TASP1: variants seen among roughly 807,000 people sequenced by gnomAD.
The protein encoded by TASP1 is threonine aspartase 1.
A neutral mutation model predicts 56.6 loss-of-function variants in TASP1; 16 were observed. That is an observed-to-expected ratio of 0.28 (90% CI 0.19 to 0.43). TASP1 has a LOEUF of 0.43. Among genes scored for constraint, TASP1 ranks in the 20% least tolerant of loss-of-function variants. The pLI, the probability that TASP1 is intolerant of heterozygous loss-of-function variation, is 1.00. For synonymous variants in TASP1, 179 were observed against 184.2 expected, an observed-to-expected ratio of 0.97 and a Z score of 0.23; for missense variants, 393 against 511.6, an observed-to-expected ratio of 0.77 and a Z score of 2.24.
chr20:13,596,742 G>A lies in TASP1; in HGVS notation c.283-9372C>T, dbSNP rs1267939255. Among the ~76,000 whole-genome samples, 5 of 152,134 alleles carry A rather than the reference G, an allele frequency of 3.3e-5. No homozygotes were observed. The East Asian group carries it at 7.7e-4, about 23-fold the overall frequency. On this transcript the variant is annotated intron_variant, in intron 4 of 13. Transcript: ENST00000337743. The stretch of plus-strand genomic sequence containing the variant: ...CCCTTCACAAAATCAATGAATCCAG[G>A]AGCTGGTTTTTTGAAAAGATCAACA...
At chr20:13,304,233 T>C in the TASP1 span, among the ~76,000 whole-genome samples, 2 of 152,170 alleles carry the variant, frequency 1.3e-5, no homozygotes, top group South Asian at 4.1e-4. Flanking sequence ...GAAGTCCAGA[T>C]GAGGGGTCCA....
chr20:13,567,944 AG>A (rs1233186338), intron 7 of TASP1, among the ~76,000 whole-genome samples: 1 of 152,212 alleles, frequency 6.6e-6, no homozygotes, highest in African/African-American at 2.4e-5. Flanking sequence ...AGGGAAAAAA[AG>A]GGAACTGACA....
At chr20:13,373,011 T>C in the TASP1 span, among the ~76,000 whole-genome samples, 9 of 152,184 alleles carry the variant, frequency 5.9e-5, no homozygotes, top group African/African-American at 2.2e-4. Context: ...GAGTACTTAA[T>C]GTAATTTTTG....
At chr20:13,457,869 C>G (rs1421912058) in intron 11 of TASP1, among the ~76,000 whole-genome samples, 18 of 152,076 alleles carry the variant, frequency 1.2e-4, no homozygotes. Flanking sequence ...GAACTATATC[C>G]CGGAAGGGGC....
the TASP1 span, among the ~76,000 whole-genome samples, chr20:13,345,916 T>TAAAAAA: frequency 4.9e-5 from 5 of 101,330 alleles, no homozygotes; most frequent in African/African-American, 1.3e-4. Context: ...CTCAGTAGGT[T>TAAAAAA]AAAAAAAAAA....
At chr20:13,154,906 C>A in the TASP1 span, among the ~76,000 whole-genome samples, 1 of 152,176 alleles carries the variant, frequency 6.6e-6, no homozygotes. Context: ...ACTGGCAGGG[C>A]ACAGTGGCTC....
chr20:13,153,946 C>A, the TASP1 span: 9 of 1,598,178 alleles, frequency 5.6e-6, no homozygotes, highest in Non-Finnish European at 7.7e-6. Context: ...GTTGACCGGA[C>A]CTTTACTTCC....
At chr20:13,275,496 G>C in the TASP1 span, among the ~76,000 whole-genome samples, 1 of 152,196 alleles carries the variant, frequency 6.6e-6, no homozygotes, top group Non-Finnish European at 1.5e-5. Context: ...AATATATGGA[G>C]GCAGATTGGC....
chr20:13,306,282 G>A, the TASP1 span, among the ~76,000 whole-genome samples: 2 of 151,884 alleles, frequency 1.3e-5, no homozygotes, highest in Admixed American at 6.6e-5. Context: ...TTTCTATGTT[G>A]TTTAGTTTAT....
At chr20:13,508,766 G>A (rs898875038) in intron 10 of TASP1, among the ~76,000 whole-genome samples, 5 of 152,152 alleles carry the variant, frequency 3.3e-5, no homozygotes, top group African/African-American at 1.2e-4. Context: ...TCAGGGAAGT[G>A]CAAATCAAAA....
At chr20:13,362,808 AATATATATAT>A in the TASP1 span, among the ~76,000 whole-genome samples, 50 of 114,848 alleles carry the variant, frequency 4.4e-4, no homozygotes, top group African/African-American at 1.3e-3. Flanking sequence ...AATAGCAAGA[AATATATATAT>A]ATATATATAT....
chr20:13,595,453 C>T (rs553951181), intron 4 of TASP1, among the ~76,000 whole-genome samples: 1 of 152,178 alleles, frequency 6.6e-6, no homozygotes, highest in South Asian at 2.1e-4. Flanking sequence ...GAGTCAAGAC[C>T]CATCAGTGTG....
At chr20:13,563,786 A>G (rs897321758) in intron 7 of TASP1, among the ~76,000 whole-genome samples, 2 of 151,922 alleles carry the variant, frequency 1.3e-5, no homozygotes, top group Non-Finnish European at 2.9e-5. Flanking sequence ...ATTATAGGCA[A>G]GAGCCACTCC....
chr20:13,445,772 C>G (rs1424726615), intron 11 of TASP1, among the ~76,000 whole-genome samples: 1 of 152,124 alleles, frequency 6.6e-6, no homozygotes, highest in Non-Finnish European at 1.5e-5. Flanking sequence ...CCAGGAGTAT[C>G]ACAAAGTAGA....
chr20:13,602,458 T>G (rs1481795541), intron 4 of TASP1, among the ~76,000 whole-genome samples: 1 of 152,178 alleles, frequency 6.6e-6, no homozygotes, highest in Non-Finnish European at 1.5e-5. Context: ...TCAATAAAGG[T>G]TCATTCATTA....
chr20:13,552,183 G>A (rs556915681), intron 8 of TASP1, among the ~76,000 whole-genome samples: 16 of 152,070 alleles, frequency 1.1e-4, no homozygotes, highest in Middle Eastern at 3.2e-3. Flanking sequence ...TTAACTCTGA[G>A]TAACTGCATG....
chr20:13,470,053 C>T (rs1001435849), intron 11 of TASP1, among the ~76,000 whole-genome samples: 1 of 151,696 alleles, frequency 6.6e-6, no homozygotes, highest in Admixed American at 6.6e-5. Flanking sequence ...AAATGATCTG[C>T]CTGCTTTGGT....
chr20:13,321,594 G>T, the TASP1 span, among the ~76,000 whole-genome samples: 136,971 of 152,260 alleles, frequency 0.9, 61,781 homozygotes, highest in African/African-American at 0.96. Context: ...GCACAGGGAC[G>T]TGGTGTGTTT....
At chr20:13,355,615 T>C in the TASP1 span, among the ~76,000 whole-genome samples, 1 of 152,336 alleles carries the variant, frequency 6.6e-6, no homozygotes, top group South Asian at 2.1e-4. Context: ...ACTGAGGAAT[T>C]GCACAAGCCT....
Sources: allele counts gnomAD v4.1 joint callset (sites outside exome capture counted in the v4.1 genomes callset), GRCh38; gene constraint gnomAD v4.1.1; transcripts MANE v1.5; gene names NCBI Gene and HGNC (gene_info 2026-07-23, HGNC 2026-07-21).